LRRC20: variants seen among roughly 807,000 people sequenced by gnomAD.
The protein encoded by LRRC20 is leucine rich repeat containing 20.
A neutral mutation model predicts 14.4 loss-of-function variants in LRRC20; 11 were observed. The observed-to-expected ratio is 0.77, with a 90% CI of 0.48 to 1.27. The LOEUF (loss-of-function observed/expected upper bound fraction) is 1.27. Ranked by LOEUF, LRRC20 falls within the 50% of genes most tolerant of loss-of-function variation. The pLI is 0.00. For synonymous variants in LRRC20, 121 were observed against 107.3 expected, an observed-to-expected ratio of 1.13 and a Z score of -0.79; for missense variants, 219 against 251.2, an observed-to-expected ratio of 0.87 and a Z score of 0.87.
At chr10:70,307,058 C>T (rs994957381) in intron 4 of LRRC20, among the ~76,000 whole-genome samples, 4 of 152,220 alleles carry the variant, frequency 2.6e-5, no homozygotes, top group African/African-American at 7.2e-5. Context: ...TAGGAAGACA[C>T]GTCTTGAGCC....
intron 3 of LRRC20, among the ~76,000 whole-genome samples, chr10:70,324,240 C>T (rs575403648): frequency 1.3e-5 from 2 of 152,364 alleles, no homozygotes; most frequent in South Asian, 2.1e-4. Flanking sequence ...GGCCTGCCAC[C>T]TGTCACTCCA....
At chr10:70,331,495 G>A (rs1011887228) in intron 3 of LRRC20, among the ~76,000 whole-genome samples, 1 of 152,212 alleles carries the variant, frequency 6.6e-6, no homozygotes, top group African/African-American at 2.4e-5. Context: ...ATCGGCCAGT[G>A]TGTTGGGCTT....
intron 3 of LRRC20, among the ~76,000 whole-genome samples, chr10:70,332,353 A>G (rs1384629443): frequency 1.3e-5 from 2 of 152,254 alleles, no homozygotes; most frequent in Non-Finnish European, 2.9e-5. Context: ...CCATAAAAAG[A>G]CTAAGGCAGG....
intron 2 of LRRC20, among the ~76,000 whole-genome samples, chr10:70,366,578 T>C (rs1391819045): frequency 2.6e-5 from 4 of 152,152 alleles, no homozygotes; most frequent in African/African-American, 9.7e-5. Flanking sequence ...CCCTAGAGAA[T>C]GTATACAAGT....
chr10:70,342,170 C>T (rs1040575394), intron 2 of LRRC20, among the ~76,000 whole-genome samples: 8 of 151,960 alleles, frequency 5.3e-5, no homozygotes, highest in Middle Eastern at 3.2e-3. Flanking sequence ...ATTAGCTGGG[C>T]ATGGTGGCAC....
chr10:70,340,468 C>A, intron 3 of LRRC20, 85 bp downstream of exon 3: 1 of 1,514,986 alleles, frequency 6.6e-7, no homozygotes, highest in Non-Finnish European at 9.1e-7. Context: ...CAGGGACCAG[C>A]TCTGGTGGCA....
At chr10:70,326,493 C>T (rs556105589) in intron 3 of LRRC20, among the ~76,000 whole-genome samples, 2 of 152,278 alleles carry the variant, frequency 1.3e-5, no homozygotes, top group Admixed American at 6.5e-5. Context: ...CTCTTCTCCC[C>T]TCAGGAGGCA....
chr10:70,329,561 CTTT>C (rs375932907), intron 3 of LRRC20, among the ~76,000 whole-genome samples: 2 of 124,884 alleles, frequency 1.6e-5, no homozygotes, highest in East Asian at 2.2e-4. Context: ...CTTCTTTTGC[CTTT>C]TTTTTTTTTT....
intron 1 of LRRC20, chr10:70,381,716 G>A (rs1844714250): frequency 6.6e-6 from 1 of 152,336 alleles, no homozygotes; most frequent in South Asian, 2.1e-4. Flanking sequence ...GGGAGCGGGT[G>A]GGGAGGTGAG....
rs530627346 is a variant in LRRC20 at position 70,317,535 on chromosome 10, C to T, written c.400+6328G>A. 3.2e-4 allele frequency among the ~76,000 whole-genome samples: 49 copies of T among 152,236 alleles called. 1 individual carries two copies. The East Asian group carries it at 8.1e-3, about 25-fold the overall frequency. ...TACAGGTATGCACCACCATGCCTGG[C>T]TAATGTTTTTTTAAAAATTTTTTGT... On this transcript the variant is annotated intron_variant, in intron 4 of 4. Coordinates refer to ENST00000446961, the MANE Select transcript of LRRC20 (RefSeq NM_001278212.2).
intron 4 of LRRC20, among the ~76,000 whole-genome samples, chr10:70,313,147 C>G (rs1176362169): frequency 6.6e-6 from 1 of 152,222 alleles, no homozygotes; most frequent in Non-Finnish European, 1.5e-5. Context: ...ACTGGCCACT[C>G]TGGAGACAGC....
intron 2 of LRRC20, among the ~76,000 whole-genome samples, chr10:70,352,981 T>G (rs1020954154): frequency 6.6e-6 from 1 of 152,048 alleles, no homozygotes; most frequent in Non-Finnish European, 1.5e-5. Flanking sequence ...CCCCAGAAAC[T>G]TCAATCCTCA....
chr10:70,352,627 C>G lies in LRRC20; in HGVS notation c.83-11925G>C, dbSNP rs190886409. Among the ~76,000 whole-genome samples the G allele has an allele frequency of 5.9e-5, 9 of 152,254 alleles. No individual in the cohort carries two copies. In the East Asian group the frequency reaches 1.7e-3, roughly 29 times the overall value. ...TTCACCAATTGTAGTAAATATGCCC[C>G]TCTGGTGGGGGATGTTGATCATGGA... On this transcript the variant is annotated intron_variant, in intron 2 of 4. Coordinates refer to ENST00000446961, the MANE Select transcript of LRRC20 (RefSeq NM_001278212.2).
intron 4 of LRRC20, among the ~76,000 whole-genome samples, chr10:70,312,630 C>T (rs1337539317): frequency 6.6e-6 from 1 of 152,220 alleles, no homozygotes; most frequent in African/African-American, 2.4e-5. Context: ...CTCCTGCTGA[C>T]GATGGGCCAT....
chr10:70,345,338 G>A (rs188957125), intron 2 of LRRC20, among the ~76,000 whole-genome samples: 11 of 151,620 alleles, frequency 7.3e-5, no homozygotes, highest in East Asian at 3.9e-4. Context: ...AGAATTACAC[G>A]TTAAATATTT....
chr10:70,327,944 C>G (rs148020152), intron 3 of LRRC20, among the ~76,000 whole-genome samples: 1 of 152,192 alleles, frequency 6.6e-6, no homozygotes, highest in African/African-American at 2.4e-5. Context: ...CAGTTTTACA[C>G]GCCTAATCCC....
intron 4 of LRRC20, among the ~76,000 whole-genome samples, chr10:70,322,497 G>A (rs547234864): frequency 1.3e-5 from 2 of 152,312 alleles, no homozygotes; most frequent in South Asian, 4.1e-4. Context: ...AGGGAGAGCC[G>A]CGCAGGCCAA....
At chr10:70,370,268 A>G (rs1844214606) in intron 2 of LRRC20, among the ~76,000 whole-genome samples, 1 of 152,192 alleles carries the variant, frequency 6.6e-6, no homozygotes, top group Non-Finnish European at 1.5e-5. Context: ...GGTCACACTC[A>G]GGCACCTGAC....
intron 1 of LRRC20, among the ~76,000 whole-genome samples, chr10:70,381,228 T>C (rs966690064): frequency 1.3e-5 from 2 of 152,220 alleles, no homozygotes; most frequent in African/African-American, 4.8e-5. Flanking sequence ...AACTGATATG[T>C]AACTTTTGGG....
Sources: gnomAD v4.1 joint callset for allele counts (sites outside exome capture counted in the v4.1 genomes callset) on GRCh38, gnomAD v4.1.1 for gene constraint, MANE v1.5 for transcripts, NCBI Gene and HGNC (gene_info 2026-07-23, HGNC 2026-07-21) for gene names.